The following SGCE variants were observed in gnomAD, a reference collection of about 807,000 sequenced individuals.
SGCE encodes the protein sarcoglycan epsilon, also known as epsilon-sarcoglycan.
Under a neutral mutation model 57.8 loss-of-function variants are expected in SGCE, and 26 were observed. The observed-to-expected ratio is 0.45, with a 90% confidence interval of 0.33 to 0.62. The LOEUF is 0.62. Among genes scored for constraint, SGCE ranks in the 20% least tolerant of loss-of-function variants. The probability of loss-of-function intolerance (pLI) is 0.02; values close to 1 mark genes in which losing one functional copy is unlikely to be tolerated. For missense variants in SGCE, 468 were observed against 548.6 expected, an observed-to-expected ratio of 0.85 and a Z score of 1.47; for synonymous variants, 183 against 189.5, an observed-to-expected ratio of 0.97 and a Z score of 0.28.
chr7:94,645,818 T>G (rs1806988852), intron 1 of SGCE, among the ~76,000 whole-genome samples: 1 of 152,190 alleles, frequency 6.6e-6, no homozygotes, highest in African/African-American at 2.4e-5. Context: ...AAAACTATTA[T>G]TACATTTACT....
chr7:94,590,378 TCA>T (rs1316404822), intron 9 of SGCE: 1 of 152,178 alleles, frequency 6.6e-6, no homozygotes, highest in Non-Finnish European at 1.5e-5. Flanking sequence ...ATGCTGATTG[TCA>T]TTGTATTCTC....
chr7:94,639,279 T>C, intron 1 of SGCE: 1 of 1,012,976 alleles, frequency 9.9e-7, no homozygotes, highest in Non-Finnish European at 1.5e-6. Flanking sequence ...GGGAAGAGAC[T>C]ATTGGAAGCA....
intron 1 of SGCE, chr7:94,644,683 A>G (rs1806822515): frequency 7.9e-7 from 1 of 1,266,398 alleles, no homozygotes; most frequent in Non-Finnish European, 1.0e-6. Flanking sequence ...AGGGGGATGA[A>G]AGACTTTGTT....
At chr7:94,614,965 C>A (rs1801656318) in intron 5 of SGCE, among the ~76,000 whole-genome samples, 1 of 152,122 alleles carries the variant, frequency 6.6e-6, no homozygotes, top group Admixed American at 6.6e-5. Flanking sequence ...ATACAGGTTT[C>A]CAATTTTATT....
intron 9 of SGCE, chr7:94,598,246 G>T: frequency 5.7e-6 from 1 of 175,212 alleles, no homozygotes; most frequent in Non-Finnish European, 1.2e-5. Flanking sequence ...GATCCCTATA[G>T]CACTAGACAA....
At position 94,599,736 on chromosome 7, in the gene SGCE, C is replaced by T. The variant is rs771753681; in HGVS notation, c.1038-13G>A. On this transcript the variant is annotated splice_polypyrimidine_tract_variant and intron_variant, in intron 7 of 10. Coordinates refer to ENST00000648936, the MANE Select transcript of SGCE (RefSeq NM_003919.3). The stretch of plus-strand genomic sequence containing the variant: ...GTTTCTCTTTTCCCTAGAAACAAAA[C>T]AAAATTTATGAATTAAATAATAGCA... 35 of 1,555,760 alleles carry T rather than the reference C, an allele frequency of 2.2e-5. No individual in the cohort carries two copies. The South Asian group carries it at 3.5e-4, about 15-fold the overall frequency.
At chr7:94,639,339 AC>A in intron 1 of SGCE, 1 of 1,515,392 alleles carries the variant, frequency 6.6e-7, no homozygotes, top group Non-Finnish European at 8.9e-7. Flanking sequence ...ACCTAAACTC[AC>A]CATCTTTCAT....
Position 94,600,695 on chromosome 7 carries a change from C to T in SGCE, c.988G>A (p.Val330Ile), listed in dbSNP as rs1306905715. The T allele has an allele frequency of 1.9e-6, 3 of 1,613,752 alleles. No homozygotes were observed. The East Asian group carries it at 6.7e-5, about 36-fold the overall frequency. Residue 330 changes from valine (V) to isoleucine (I), a missense_variant, in exon 7 of 11, where the codon GTC becomes ATC. Coordinates refer to ENST00000648936, the MANE Select transcript of SGCE (RefSeq NM_003919.3). ...TLAVPSAVAL[V>I]LFLILAYIMC... The stretch of plus-strand genomic sequence containing the variant: ...ATATAAGCAAGTATTAGAAAAAGGA[C>T]CAGTGCCACTGCCGAGGGCACAGCC...
At position 94,618,867 on chromosome 7, in the gene SGCE, C is replaced by T. The variant is rs1306011031; in HGVS notation, c.553G>A (p.Gly185Ser). The T allele has an allele frequency of 6.2e-7, 1 of 1,613,852 alleles. No individual in the cohort carries two copies. Among genetic ancestry groups the T allele is most frequent in the African/African-American group, 1.3e-5 (1 of 74,900 alleles). The change falls in exon 5 of 11, where the codon GGC becomes AGC. Residue 185 changes from glycine to serine, a missense_variant. Coordinates refer to ENST00000648936, the MANE Select transcript of SGCE (RefSeq NM_003919.3). ...LASEVLGDFLGAVKNVWQPER... is the reference protein window; with the variant it reads ...LASEVLGDFLSAVKNVWQPER... ...GGCTGCCACACATTTTTCACTGCGC[C>T]AAGAAAGTCTCCAAGAACCTCACTG...
At chr7:94,587,971 T>A (rs1797130026) in intron 10 of SGCE, 2 of 1,419,654 alleles carry the variant, frequency 1.4e-6, no homozygotes, top group South Asian at 3.3e-5. Context: ...CTTACATTTT[T>A]AAAACTTCTC....
At chr7:94,645,285 T>A (rs1318632040) in intron 1 of SGCE, among the ~76,000 whole-genome samples, 5 of 152,136 alleles carry the variant, frequency 3.3e-5, no homozygotes, top group Non-Finnish European at 7.3e-5. Flanking sequence ...TTATATATAT[T>A]TTTTCATATA....
chr7:94,641,471 A>AG (rs1226034577), intron 1 of SGCE, among the ~76,000 whole-genome samples: 3 of 152,176 alleles, frequency 2.0e-5, no homozygotes, highest in Non-Finnish European at 4.4e-5. Flanking sequence ...AAAAGATGTA[A>AG]GGGGGGAAGA....
intron 5 of SGCE, among the ~76,000 whole-genome samples, chr7:94,613,262 G>T (rs1801348954): frequency 6.6e-6 from 1 of 152,070 alleles, no homozygotes; most frequent in Non-Finnish European, 1.5e-5. Context: ...ATGTAATTTT[G>T]TCTGAGTCCA....
chr7:94,655,598 G>A (rs1214344191), intron 1 of SGCE, among the ~76,000 whole-genome samples: 1 of 152,186 alleles, frequency 6.6e-6, no homozygotes, highest in Non-Finnish European at 1.5e-5. Context: ...CGGTCGCAGA[G>A]CCCAATCGCG....
chr7:94,642,201 A>T (rs1414993996), intron 1 of SGCE, among the ~76,000 whole-genome samples: 2 of 152,206 alleles, frequency 1.3e-5, no homozygotes, highest in Non-Finnish European at 2.9e-5. Flanking sequence ...ATGTCAAATT[A>T]AGAATATTAA....
chr7:94,649,834 T>C (rs10274271), intron 1 of SGCE, among the ~76,000 whole-genome samples: 25,278 of 152,058 alleles, frequency 0.17, 2,162 homozygotes, highest in East Asian at 0.3. Flanking sequence ...AGTTAGAAAA[T>C]ATGACAGAAG....
intron 6 of SGCE, among the ~76,000 whole-genome samples, chr7:94,601,068 T>C (rs1217186857): frequency 6.6e-6 from 1 of 152,220 alleles, no homozygotes; most frequent in African/African-American, 2.4e-5. Flanking sequence ...GTCTACTTTC[T>C]ATGTTCTTCC....
At chr7:94,618,276 A>T (rs181968821) in intron 5 of SGCE, 1 of 158,066 alleles carries the variant, frequency 6.3e-6, no homozygotes, top group East Asian at 1.9e-4. Context: ...CCAGCTTGTG[A>T]GTGACAAGGT....
At chr7:94,650,611 G>T (rs1427851426) in intron 1 of SGCE, among the ~76,000 whole-genome samples, 1 of 152,016 alleles carries the variant, frequency 6.6e-6, no homozygotes, top group African/African-American at 2.4e-5. Context: ...AAAATAAAAT[G>T]TTCTCATCAC....
Sources: allele counts gnomAD v4.1 joint callset (sites outside exome capture counted in the v4.1 genomes callset), GRCh38; gene constraint gnomAD v4.1.1; transcripts MANE v1.5; gene names NCBI Gene and HGNC (gene_info 2026-07-23, HGNC 2026-07-21).